The following TEX15 variants were observed in gnomAD, a reference collection of about 807,000 sequenced individuals.
TEX15 encodes testis-expressed protein 15.
A neutral mutation model predicts 237.3 loss-of-function variants in TEX15; 171 were observed. That is an observed-to-expected ratio of 0.72 (90% CI 0.64 to 0.82). The LOEUF is 0.82. Ranked by LOEUF, TEX15 falls within the 40% of genes least tolerant of loss-of-function variation. The pLI is 0.00. For missense variants in TEX15, 3,750 were observed against 3,646.5 expected (o/e 1.03, Z -0.73); for synonymous variants, 1,338 against 1,269.8 (o/e 1.05, Z -1.14).
At chr8:30,899,765 G>A (rs558457056) in intron 1 of TEX15, among the ~76,000 whole-genome samples, 2 of 152,218 alleles carry the variant, frequency 1.3e-5, no homozygotes, top group East Asian at 3.9e-4. Flanking sequence ...TTTCTTTCTA[G>A]AGGCATTTAA....
chr8:30,897,734 C>A lies in TEX15; in HGVS notation c.-10+1008G>T, dbSNP rs11996760. On this transcript the variant is annotated intron_variant, in intron 2 of 10. Transcript: ENST00000643185. Reference sequence around the variant, plus strand: ...GGAGTGCAATGGTACAATTACAGTTCATTGTAACCTTGAATTCCTGGGCTC... The same window carrying A: ...GGAGTGCAATGGTACAATTACAGTTAATTGTAACCTTGAATTCCTGGGCTC... Among the ~76,000 whole-genome samples, 987 of 152,296 alleles carry A rather than the reference C, an allele frequency of 6.5e-3. 7 individuals are homozygous for A. Among genetic ancestry groups the A allele is most frequent in the African/African-American group, 0.022 (920 of 41,560 alleles).
intron 1 of TEX15, among the ~76,000 whole-genome samples, chr8:30,911,849 T>C (rs1396864623): frequency 6.6e-6 from 1 of 152,116 alleles, no homozygotes; most frequent in Non-Finnish European, 1.5e-5. Context: ...TGAAAGGATC[T>C]GTGCAGGGCT....
In TEX15 at chr8:30,849,142, G is replaced by A. The variant is rs980199739; in HGVS notation, c.1025C>T (p.Ser342Phe). 2 of 1,576,012 alleles carry A rather than the reference G, an allele frequency of 1.3e-6. No individual in the cohort carries two copies. Among genetic ancestry groups the A allele is most frequent in the South Asian group, 1.1e-5 (1 of 88,026 alleles). The change falls in exon 8 of 11, where the codon TCC becomes TTC. Residue 342 changes from serine (S) to phenylalanine (F), a missense_variant. By Grantham distance (155) the Ser-to-Phe change is radical. Coordinates refer to ENST00000643185, the MANE Select transcript of TEX15 (RefSeq NM_001350162.2). The part of the protein sequence containing the change: ...INPFISNISN[S>F]YGNVQNGNIS... ...GTTTCCATTTTGTACATTTCCATAG[G>A]AGTTAGAAATATTTGAGATGAAAGG... is the stretch of plus-strand genomic sequence containing the variant.
Position 30,837,557 on chromosome 8 carries a change from T to G in TEX15, c.8727A>C (p.Leu2909=). ...FCFVKDVHPD[L]EMNDTVFELQ... Reference sequence around the variant, plus strand: ...GTTCAAAGACTGTGTCATTCATTTCTAGATCAGGATGGACATCTTTCACAA... The same window carrying G: ...GTTCAAAGACTGTGTCATTCATTTCGAGATCAGGATGGACATCTTTCACAA... The change falls in exon 10 of 11, where the codon CTA becomes CTC. Residue 2909 remains leucine (L), a synonymous_variant. Coordinates refer to ENST00000643185, the MANE Select transcript of TEX15 (RefSeq NM_001350162.2). 1 of 1,614,054 alleles carries G rather than the reference T, an allele frequency of 6.2e-7. No homozygotes were observed. The highest frequency in any genetic ancestry group is 2.2e-5 in the East Asian group (1 of 44,880).
intron 5 of TEX15, among the ~76,000 whole-genome samples, chr8:30,862,089 AC>A (rs1297960263): frequency 6.6e-6 from 1 of 152,152 alleles, no homozygotes; most frequent in Non-Finnish European, 1.5e-5. Flanking sequence ...CTTTCTCAGG[AC>A]AGTTGAGCAT....
intron 1 of TEX15, among the ~76,000 whole-genome samples, chr8:30,912,659 GGAGGC>G (rs1265854189): frequency 6.6e-6 from 1 of 152,180 alleles, no homozygotes; most frequent in African/African-American, 2.4e-5. Context: ...CCTGGCCCTC[GGAGGC>G]CCACCTTTGG....
rs1585293006 is a variant in TEX15 at position 30,858,684 on chromosome 8, T to C, written c.834A>G (p.Gly278=). 14 of 1,533,802 alleles carry C rather than the reference T, an allele frequency of 9.1e-6. 1 individual carries two copies. In the African/African-American group the frequency reaches 1.4e-4, roughly 15 times the overall value. The change falls in exon 7 of 11, where the codon GGA becomes GGG. Residue 278 remains glycine (G), a synonymous_variant. Coordinates refer to ENST00000643185, the MANE Select transcript of TEX15 (RefSeq NM_001350162.2). ...GTATCTTACCAGCTCTCTTAGGAAATCCTGTTGAGAGGAATCTCAAAGATG... is the reference window on the plus strand; with the variant it reads ...GTATCTTACCAGCTCTCTTAGGAAACCCTGTTGAGAGGAATCTCAAAGATG... ...LMTSLRFLST[G]FPKRAERTCS...
rs1444254238 is a variant in TEX15 at position 30,833,207 on chromosome 8, CT to C, written c.*78del. On this transcript the variant is annotated 3_prime_UTR_variant, in exon 11 of 11. Transcript: ENST00000643185. The stretch of plus-strand genomic sequence containing the variant: ...CCACATTTACAAACATTAAAAATCG[CT>C]AAATGTTAAAAAATATATAAGTAAA... 2 of 946,632 alleles carry C rather than the reference CT, an allele frequency of 2.1e-6. No individual in the cohort carries two copies. The highest frequency in any genetic ancestry group is 3.2e-6 in the Non-Finnish European group (2 of 633,478). 58.6% of individuals were successfully genotyped at this position (946,632 alleles called of 1,614,324 possible). A position where few individuals can be genotyped will look rare whatever the true frequency, so the allele number is the denominator to read the frequency against.
rs768372122 is a variant in TEX15, at chr8:30,845,747, T to C, written c.4420A>G (p.Lys1474Glu). 3 of 1,613,682 alleles carry C rather than the reference T, an allele frequency of 1.9e-6. No individual in the cohort carries two copies. The highest frequency in any genetic ancestry group is 1.7e-5 in the Admixed American group (1 of 59,992). Reference sequence around the variant, plus strand: ...CCACTTGTTTTATAAGACTTGTGCTTTGACACATGGGTTAATGATTTAGAA... The same window carrying C: ...CCACTTGTTTTATAAGACTTGTGCTCTGACACATGGGTTAATGATTTAGAA... ...DISKSLTHVS[K>E]HKSYKTSGEK... The change falls in exon 8 of 11, where the codon AAG becomes GAG. Residue 1474 changes from lysine to glutamate, a missense_variant. Coordinates refer to ENST00000643185, the MANE Select transcript of TEX15 (RefSeq NM_001350162.2).
At position 30,837,431 on chromosome 8, in the gene TEX15, T is replaced by C; in HGVS notation, c.8853A>G (p.Ile2951Met). ...CIQNKIPTLQINKLQPTETES... is the reference protein window; with the variant it reads ...CIQNKIPTLQMNKLQPTETES... Reference sequence around the variant, plus strand: ...CAGTTTCTGTAGGCTGTAGTTTGTTTATCTGCAGAGTAGGAATTTTGTTCT... The same window carrying C: ...CAGTTTCTGTAGGCTGTAGTTTGTTCATCTGCAGAGTAGGAATTTTGTTCT... The change falls in exon 10 of 11, where the codon ATA becomes ATG. Residue 2951 changes from isoleucine (I) to methionine (M), a missense_variant. By Grantham distance (10) the Ile-to-Met change is conservative. Transcript: ENST00000643185. The C allele has an allele frequency of 6.2e-7, 1 of 1,614,212 alleles. No homozygotes were observed.
At chr8:30,883,118 C>CA (rs1554500657) in intron 3 of TEX15, among the ~76,000 whole-genome samples, 28 of 151,034 alleles carry the variant, frequency 1.9e-4, no homozygotes, top group African/African-American at 6.5e-4. Flanking sequence ...CTTTCTCTAT[C>CA]TTTTTTTTTA....
chr8:30,839,872 T>G (rs1023903050), intron 9 of TEX15, 34 bp downstream of exon 9: 1 of 1,526,164 alleles, frequency 6.6e-7, no homozygotes. Context: ...TTTGTTCAAT[T>G]TTTTTTCCAC....
At chr8:30,858,399 C>T (rs1232079501) in intron 7 of TEX15, among the ~76,000 whole-genome samples, 1 of 151,938 alleles carries the variant, frequency 6.6e-6, no homozygotes, top group Non-Finnish European at 1.5e-5. Context: ...GCAACCTCCA[C>T]CTCCTGGGTT....
In TEX15 at chr8:30,849,248, T is replaced by C; in HGVS notation, c.919A>G (p.Thr307Ala). The stretch of plus-strand genomic sequence containing the variant: ...ACAGGTTTCTTGAAATGCACAAAGG[T>C]GACAGTAGCATCTTTTCCTTTTCCA... ...RFGKGKDATV[T>A]FVHFKKPVDP... Residue 307 changes from threonine (T) to alanine (A), a missense_variant, in exon 8 of 11, where the codon ACC becomes GCC. Thr to Ala is a moderately conservative substitution (Grantham distance 58). Coordinates refer to ENST00000643185, the MANE Select transcript of TEX15 (RefSeq NM_001350162.2). The C allele has an allele frequency of 6.5e-7, 1 of 1,535,958 alleles. No individual in the cohort carries two copies. The highest frequency in any genetic ancestry group is 8.7e-7 in the Non-Finnish European group (1 of 1,146,838).
In TEX15 at chr8:30,839,951, T is replaced by G; in HGVS notation, c.8177A>C (p.Asp2726Ala). 1 of 1,598,600 alleles carries G rather than the reference T, an allele frequency of 6.3e-7. No homozygotes were observed. Among genetic ancestry groups the G allele is most frequent in the Non-Finnish European group, 8.5e-7 (1 of 1,172,230 alleles). ...SCKKLKVDMK[D>A]VTKINREKAT... ...CTTTTCTCTGTTGATTTTTGTGACA[T>G]CTTTCATGTCTACCTGTGTTTAAAA... is the stretch of plus-strand genomic sequence containing the variant. Residue 2726 changes from aspartate (D) to alanine (A), a missense_variant, in exon 9 of 11, where the codon GAT (aspartate) becomes GCT (alanine). Physicochemically the swap from Asp to Ala is moderately radical, Grantham distance 126. Transcript: ENST00000643185.
rs190760656 is a variant in TEX15 at position 30,837,766 on chromosome 8, A to G, written c.8518T>C (p.Phe2840Leu). 3.7e-6 allele frequency: 6 copies of G among 1,614,190 alleles called. No individual in the cohort carries two copies. The East Asian group carries it at 1.3e-4, about 36-fold the overall frequency. The stretch of plus-strand genomic sequence containing the variant: ...ACACTTTTTTGGTCACAAATTGCAA[A>G]AGCAGCACAATCTTTCTTATCACTT... Reference protein sequence around the residue: ...TKSDKKDCAAFAICDQKSVHG... With the variant: ...TKSDKKDCAALAICDQKSVHG... The change falls in exon 10 of 11, where the codon TTT becomes CTT. Residue 2840 changes from phenylalanine to leucine, a missense_variant. Coordinates refer to ENST00000643185, the MANE Select transcript of TEX15 (RefSeq NM_001350162.2).
intron 2 of TEX15, among the ~76,000 whole-genome samples, chr8:30,893,959 T>A (rs1028389970): frequency 6.6e-6 from 1 of 152,220 alleles, no homozygotes; most frequent in African/African-American, 2.4e-5. Context: ...TCATGTTTCT[T>A]AACCCTTCTT....
rs73570223 is a variant in TEX15 at position 30,854,172 on chromosome 8, T to C, written c.850+4496A>G. On this transcript the variant is annotated intron_variant, in intron 7 of 10. Coordinates refer to ENST00000643185, the MANE Select transcript of TEX15 (RefSeq NM_001350162.2). ...GAAATTAATGAAATAGAGAATAGAATAGCAAAAAGAATGAAACCAAAATTG... is the reference window on the plus strand; with the variant it reads ...GAAATTAATGAAATAGAGAATAGAACAGCAAAAAGAATGAAACCAAAATTG... Among the ~76,000 whole-genome samples, 596 of 123,462 alleles carry C rather than the reference T, an allele frequency of 4.8e-3. 2 individuals carry two copies. The highest frequency in any genetic ancestry group is 0.019 in the Middle Eastern group (4 of 208). 81.0% of individuals were successfully genotyped at this position (123,462 alleles called of 152,430 possible).
chr8:30,894,943 A>G (rs750757131), intron 2 of TEX15, among the ~76,000 whole-genome samples: 7 of 152,162 alleles, frequency 4.6e-5, no homozygotes, highest in African/African-American at 7.2e-5. Context: ...TGGACCAGGA[A>G]GCAGTCCCTC....
Sources: gnomAD v4.1 joint callset for allele counts (sites outside exome capture counted in the v4.1 genomes callset) on GRCh38, gnomAD v4.1.1 for gene constraint, MANE v1.5 for transcripts, NCBI Gene and HGNC (gene_info 2026-07-23, HGNC 2026-07-21) for gene names.